PCBP4: variants seen among roughly 807,000 people sequenced by gnomAD.
PCBP4 encodes poly(rC)-binding protein 4.
A neutral mutation model predicts 46.2 loss-of-function variants in PCBP4; 24 were observed. The ratio of observed to expected loss-of-function variants is 0.52; its 90% CI spans 0.38 to 0.73. The LOEUF is 0.73. Ranked by LOEUF, PCBP4 falls within the 30% of genes least tolerant of loss-of-function variation. The pLI is 0.00. For missense variants in PCBP4, 407 were observed against 537.0 expected (o/e 0.76, Z 2.39); for synonymous variants, 203 against 224.4 (o/e 0.90, Z 0.85).
chr3:51,959,049 C>T lies in PCBP4; in HGVS notation c.751G>A (p.Asp251Asn), dbSNP rs946438408. ...TSSQEFLVPNDLIGCVIGRQG... is the reference protein window; with the variant it reads ...TSSQEFLVPNNLIGCVIGRQG... ...CAGCCATCCCATCCCCTGCTCACAT[C>T]GTTGGGAACCAAGAACTCCTGTGAG... Residue 251 changes from aspartate to asparagine, a missense_variant and splice_region_variant, in exon 12 of 14, where the codon GAT (aspartate) becomes AAT (asparagine). Transcript: ENST00000461554. This position sits in a 1 kb window ranked among gnomAD's most constrained non-coding sequence, Gnocchi z 5.6. The T allele has an allele frequency of 1.9e-6, 3 of 1,613,858 alleles. No homozygotes were observed. Among genetic ancestry groups the T allele is most frequent in the African/African-American group, 1.3e-5 (1 of 75,022 alleles).
Position 51,960,730 on chromosome 3 carries a change from G to A in PCBP4, c.139-88C>T, listed in dbSNP as rs764815948. The A allele has an allele frequency of 2.7e-6, 4 of 1,460,356 alleles. No individual in the cohort carries two copies. In the South Asian group the frequency reaches 3.4e-5, roughly 12 times the overall value. The allele number at this position is 1,460,356 out of a possible 1,614,324, so 90.5% of individuals were successfully genotyped here. A position where few individuals can be genotyped will look rare whatever the true frequency, so the allele number is the denominator to read the frequency against. On this transcript the variant is annotated intron_variant, in intron 5 of 13. Coordinates refer to ENST00000461554, the MANE Select transcript of PCBP4 (RefSeq NM_001174100.2). This position sits in a 1 kb window ranked among gnomAD's most constrained non-coding sequence, Gnocchi z 5.0. ...TCTGCCTGCCCCACTCACCAGGCCT[G>A]AGGCAAGGCTCAAAACTGCCACCCT...
In PCBP4 at chr3:51,959,686, C is replaced by A; in HGVS notation, c.517-35G>T. 1 of 1,536,284 alleles carries A rather than the reference C, an allele frequency of 6.5e-7. No individual in the cohort carries two copies. The highest frequency in any genetic ancestry group is 8.8e-7 in the Non-Finnish European group (1 of 1,133,328). Reference sequence around the variant, plus strand: ...ATAAACAGGGCTCTGTCAGGACCCTCTCAGGCTCCGATAACCTCCCCAGCT... The same window carrying A: ...ATAAACAGGGCTCTGTCAGGACCCTATCAGGCTCCGATAACCTCCCCAGCT... On this transcript the variant is annotated intron_variant, in intron 8 of 13. Coordinates refer to ENST00000461554, the MANE Select transcript of PCBP4 (RefSeq NM_001174100.2). This position sits in a 1 kb window ranked among gnomAD's most constrained non-coding sequence, Gnocchi z 5.6.
chr3:51,967,142 G>A (rs1559767506), intron 1 of PCBP4, among the ~76,000 whole-genome samples, 184 bp downstream of exon 1: 1 of 152,056 alleles, frequency 6.6e-6, no homozygotes, highest in Non-Finnish European at 1.5e-5. Context: ...CTGGTGCCAA[G>A]GGCGCCTCTG....
Position 51,960,670 on chromosome 3 carries a change from G to T in PCBP4, c.139-28C>A. 1 of 1,570,560 alleles carries T rather than the reference G, an allele frequency of 6.4e-7. No homozygotes were observed. Among genetic ancestry groups the T allele is most frequent in the Non-Finnish European group, 8.8e-7 (1 of 1,140,380 alleles). Reference sequence around the variant, plus strand: ...GCAGATATAGAATGAGCGCCGGGCAGCGGGGCATCTTCCCTGCTCCCTTGC... The same window carrying T: ...GCAGATATAGAATGAGCGCCGGGCATCGGGGCATCTTCCCTGCTCCCTTGC... On this transcript the variant is annotated intron_variant, in intron 5 of 13. Coordinates refer to ENST00000461554, the MANE Select transcript of PCBP4 (RefSeq NM_001174100.2). This position sits in a 1 kb window ranked among gnomAD's most constrained non-coding sequence, Gnocchi z 5.0.
In PCBP4 at chr3:51,961,063, G is replaced by T. The variant is rs533597387; in HGVS notation, c.82-30C>A. 6 of 1,614,144 alleles carry T rather than the reference G, an allele frequency of 3.7e-6. No homozygotes were observed. In the East Asian group the frequency reaches 1.1e-4, roughly 30 times the overall value. On this transcript the variant is annotated intron_variant, in intron 3 of 13. Coordinates refer to ENST00000461554, the MANE Select transcript of PCBP4 (RefSeq NM_001174100.2). ...GGACAAGACAAGAGCCGTCAGATGG[G>T]TGCCAGTGCCCAGGCCCAGCCCCTC...
In PCBP4 at chr3:51,959,345, C is replaced by A; in HGVS notation, c.636+22G>T. ...AGGAGGCATGGTTCAGGAAGGGGTG[C>A]CTTGGGCTATGGGTCACTCACCTCA... On this transcript the variant is annotated intron_variant, in intron 10 of 13. Coordinates refer to ENST00000461554, the MANE Select transcript of PCBP4 (RefSeq NM_001174100.2). This position sits in a 1 kb window ranked among gnomAD's most constrained non-coding sequence, Gnocchi z 5.6. 1.2e-6 allele frequency: 2 copies of A among 1,613,350 alleles called. No homozygotes were observed. The highest frequency in any genetic ancestry group is 2.2e-5 in the South Asian group (2 of 90,934).
Position 51,959,515 on chromosome 3 carries a change from C to A in PCBP4, c.591+62G>T. 1.3e-6 allele frequency: 2 copies of A among 1,526,766 alleles called. No individual in the cohort carries two copies. Among genetic ancestry groups the A allele is most frequent in the South Asian group, 1.2e-5 (1 of 82,624 alleles). The allele number at this position is 1,526,766 out of a possible 1,614,324, so 94.6% of individuals were successfully genotyped here. A position where few individuals can be genotyped will look rare whatever the true frequency, so the allele number is the denominator to read the frequency against. On this transcript the variant is annotated intron_variant, in intron 9 of 13. Coordinates refer to ENST00000461554, the MANE Select transcript of PCBP4 (RefSeq NM_001174100.2). This position sits in a 1 kb window ranked among gnomAD's most constrained non-coding sequence, Gnocchi z 5.6. The stretch of plus-strand genomic sequence containing the variant: ...GACCTCCAATTCCTTCTTCCATCCC[C>A]TCCTCTATCTCAATCCCCCTTCTCC...
chr3:51,967,444 A>G lies in PCBP4; in HGVS notation c.-331T>C, dbSNP rs1407814707. ...CTGCGAGTGACATCAGCTGCGAACA[A>G]TGAGGGGTTTGACAGGCGCGGAGCC... On this transcript the variant is annotated 5_prime_UTR_variant, in exon 1 of 14. Coordinates refer to ENST00000461554, the MANE Select transcript of PCBP4 (RefSeq NM_001174100.2). The G allele has an allele frequency of 6.9e-6, 1 of 144,746 alleles. No individual in the cohort carries two copies. Among genetic ancestry groups the G allele is most frequent in the Non-Finnish European group, 1.5e-5 (1 of 65,770 alleles). The allele number at this position is 144,746 out of a possible 1,614,324, so 9.0% of individuals were successfully genotyped here. A position where few individuals can be genotyped will look rare whatever the true frequency, so the allele number is the denominator to read the frequency against.
chr3:51,959,015 C>A lies in PCBP4; in HGVS notation c.753+32G>T. 1 of 1,613,106 alleles carries A rather than the reference C, an allele frequency of 6.2e-7. No individual in the cohort carries two copies. The highest frequency in any genetic ancestry group is 8.5e-7 in the Non-Finnish European group (1 of 1,179,346). Reference sequence around the variant, plus strand: ...GAGGTCCAGACCCCCAGACCCCCTACCCACCCTCCAGCCATCCCATCCCCT... The same window carrying A: ...GAGGTCCAGACCCCCAGACCCCCTAACCACCCTCCAGCCATCCCATCCCCT... On this transcript the variant is annotated intron_variant, in intron 12 of 13. Coordinates refer to ENST00000461554, the MANE Select transcript of PCBP4 (RefSeq NM_001174100.2). The surrounding 1 kb of genome is among the most constrained non-coding windows in gnomAD (Gnocchi z 5.6).
intron 1 of PCBP4, among the ~76,000 whole-genome samples, chr3:51,965,795 C>T (rs1327382657): frequency 6.6e-6 from 1 of 152,074 alleles, no homozygotes; most frequent in East Asian, 1.9e-4. Flanking sequence ...CTACTCCTGC[C>T]GTTTTACCAG....
At chr3:51,963,965 C>T (rs570169388) in intron 1 of PCBP4, among the ~76,000 whole-genome samples, 3 of 152,324 alleles carry the variant, frequency 2.0e-5, no homozygotes, top group Admixed American at 6.5e-5. Flanking sequence ...CCGGGTGGGC[C>T]CTGGGTCTTT....
At chr3:51,961,623 A>C in intron 2 of PCBP4, 1 of 366,104 alleles carries the variant, frequency 2.7e-6, no homozygotes, top group Non-Finnish European at 4.0e-6. Flanking sequence ...TTACCCTGAG[A>C]CACTAAAAGA....
intron 1 of PCBP4, among the ~76,000 whole-genome samples, chr3:51,965,444 T>A (rs1034789205): frequency 2.0e-5 from 3 of 152,124 alleles, no homozygotes; most frequent in Admixed American, 2.0e-4. Flanking sequence ...TGTGAAGCCC[T>A]CCGCAGGCTT....
At position 51,960,720 on chromosome 3, in the gene PCBP4, C is replaced by T. The variant is rs373197929; in HGVS notation, c.139-78G>A. The T allele has an allele frequency of 7.5e-6, 11 of 1,460,378 alleles. No homozygotes were observed. The highest frequency in any genetic ancestry group is 1.7e-4 in the Middle Eastern group (1 of 5,724). 90.5% of individuals were successfully genotyped at this position (1,460,378 alleles called of 1,614,324 possible). ...CCGGAACTTGTCTGCCTGCCCCACTCACCAGGCCTGAGGCAAGGCTCAAAA... is the reference window on the plus strand; with the variant it reads ...CCGGAACTTGTCTGCCTGCCCCACTTACCAGGCCTGAGGCAAGGCTCAAAA... On this transcript the variant is annotated intron_variant, in intron 5 of 13. Coordinates refer to ENST00000461554, the MANE Select transcript of PCBP4 (RefSeq NM_001174100.2). This position sits in a 1 kb window ranked among gnomAD's most constrained non-coding sequence, Gnocchi z 5.0.
intron 1 of PCBP4, among the ~76,000 whole-genome samples, chr3:51,963,748 G>A (rs1700286531): frequency 6.6e-6 from 1 of 152,214 alleles, no homozygotes. Flanking sequence ...TTAGGGGCTG[G>A]GGGTAGGGAG....
rs1193798867 is a variant in PCBP4 at position 51,959,103 on chromosome 3, A to C, written c.701-4T>G. On this transcript the variant is annotated splice_polypyrimidine_tract_variant and splice_region_variant and intron_variant, in intron 11 of 13. Transcript: ENST00000461554. The surrounding 1 kb of genome is among the most constrained non-coding windows in gnomAD (Gnocchi z 5.6). ...GTCTGTGTGCCGGGATCCAGTCCTG[A>C]GGGGGAGAAGAGGGACTGAGTGTGG... is the stretch of plus-strand genomic sequence containing the variant. The C allele has an allele frequency of 5.0e-6, 8 of 1,613,630 alleles. No individual in the cohort carries two copies. The African/African-American group carries it at 1.1e-4, about 22-fold the overall frequency.
At position 51,961,473 on chromosome 3, in the gene PCBP4, G is replaced by T. The variant is rs550828191; in HGVS notation, c.-64-169C>A. ...CAGGGTGCTTATGTGTGTCTCACGAGCTGTGTAAGCCTGGGGAGCCCATTC... is the reference window on the plus strand; with the variant it reads ...CAGGGTGCTTATGTGTGTCTCACGATCTGTGTAAGCCTGGGGAGCCCATTC... On this transcript the variant is annotated intron_variant, in intron 2 of 13. Coordinates refer to ENST00000461554, the MANE Select transcript of PCBP4 (RefSeq NM_001174100.2). The T allele has an allele frequency of 1.5e-4, 117 of 806,614 alleles. 1 individual carries two copies. The South Asian group carries it at 2.0e-3, about 14-fold the overall frequency. The allele number at this position is 806,614 out of a possible 1,614,324, so 50.0% of individuals were successfully genotyped here. A position where few individuals can be genotyped will look rare whatever the true frequency, so the allele number is the denominator to read the frequency against.
At chr3:51,966,629 G>C (rs1700443251) in intron 1 of PCBP4, among the ~76,000 whole-genome samples, 1 of 152,102 alleles carries the variant, frequency 6.6e-6, no homozygotes, top group Non-Finnish European at 1.5e-5. Flanking sequence ...AACTGGCCCT[G>C]GGTGCATCAT....
Position 51,958,854 on chromosome 3 carries a change from G to A in PCBP4, c.859C>T (p.Arg287Trp), listed in dbSNP as rs1471682615. Reference protein sequence around the residue: ...IGNQAEGAGERHVTITGSPVS... With the variant: ...IGNQAEGAGEWHVTITGSPVS... ...GGAGAGCCAGTGATGGTGACATGCC[G>A]CTCCCCAGCGCCCTCTGCTTGGTTC... is the stretch of plus-strand genomic sequence containing the variant. Residue 287 changes from arginine (R) to tryptophan (W), a missense_variant, in exon 13 of 14, where the codon CGG becomes TGG. By Grantham distance (101) the Arg-to-Trp change is moderately radical. Transcript: ENST00000461554. The surrounding 1 kb of genome is among the most constrained non-coding windows in gnomAD (Gnocchi z 5.4). The A allele has an allele frequency of 2.7e-5, 43 of 1,613,808 alleles. No homozygotes were observed. The highest frequency in any genetic ancestry group is 3.4e-5 in the Non-Finnish European group (40 of 1,179,956).
Sources: gnomAD v4.1 joint callset for allele counts (sites outside exome capture counted in the v4.1 genomes callset) on GRCh38, gnomAD v4.1.1 for gene constraint, Gnocchi (gnomAD v3.1) non-coding constraint, MANE v1.5 for transcripts, NCBI Gene and HGNC (gene_info 2026-07-23, HGNC 2026-07-21) for gene names.